IMMP2L: variants seen among roughly 807,000 people sequenced by gnomAD.
The protein encoded by IMMP2L is inner mitochondrial membrane peptidase subunit 2, also known as mitochondrial inner membrane protease subunit 2.
IMMP2L carries 18 observed loss-of-function variants against 19.3 expected under a neutral mutation model. The observed-to-expected ratio is 0.93, with a 90% CI of 0.64 to 1.38. The LOEUF (loss-of-function observed/expected upper bound fraction) is 1.38. Ranked by LOEUF, IMMP2L falls within the 40% of genes most tolerant of loss-of-function variation. The pLI, the probability that IMMP2L is intolerant of heterozygous loss-of-function variation, is 0.00. For synonymous variants in IMMP2L, 76 were observed against 73.0 expected (o/e 1.04, Z -0.21); for missense variants, 233 against 218.2 (o/e 1.07, Z -0.43).
chr7:111,513,990 C>CA (rs1345208212), intron 2 of IMMP2L, among the ~76,000 whole-genome samples: 1 of 151,916 alleles, frequency 6.6e-6, no homozygotes, highest in Non-Finnish European at 1.5e-5. Flanking sequence ...AAGCTGGACT[C>CA]ACAGAAGCAG....
intron 3 of IMMP2L, among the ~76,000 whole-genome samples, chr7:111,014,665 T>G (rs190180383): frequency 1.2e-4 from 18 of 151,920 alleles, no homozygotes; most frequent in African/African-American, 3.4e-4. Context: ...GGAAAAAAAA[T>G]CATATATTTG....
At chr7:111,187,081 C>A (rs184025816) in intron 3 of IMMP2L, among the ~76,000 whole-genome samples, 8 of 152,018 alleles carry the variant, frequency 5.3e-5, no homozygotes, top group African/African-American at 1.9e-4. Context: ...AGACTGCAAA[C>A]GTATAAATAA....
At chr7:111,291,508 A>G (rs2129683160) in intron 3 of IMMP2L, among the ~76,000 whole-genome samples, 1 of 152,294 alleles carries the variant, frequency 6.6e-6, no homozygotes, top group African/African-American at 2.4e-5. Context: ...TTAACCTGGT[A>G]TAAGGAGTAA....
intron 4 of IMMP2L, among the ~76,000 whole-genome samples, chr7:110,907,898 A>T (rs923981885): frequency 6.6e-6 from 1 of 152,146 alleles, no homozygotes; most frequent in African/African-American, 2.4e-5. Context: ...CTGAGCTAGG[A>T]TATTCCCAGG....
Position 111,033,734 on chromosome 7 carries a change from T to C in IMMP2L, c.240-70169A>G, listed in dbSNP as rs76020390. Among the ~76,000 whole-genome samples the C allele has an allele frequency of 5.2e-3, 795 of 152,322 alleles. 5 individuals are homozygous for C. Among genetic ancestry groups the C allele is most frequent in the South Asian group, 0.01 (50 of 4,828 alleles). On this transcript the variant is annotated intron_variant, in intron 3 of 5. Transcript: ENST00000405709. ...TCTGAGGAAGCTACATACTATGTAA[T>C]TCCAACTATATGACATTCTGATATT...
chr7:111,235,747 C>A (rs1028758317), intron 3 of IMMP2L, among the ~76,000 whole-genome samples: 1 of 151,940 alleles, frequency 6.6e-6, no homozygotes, highest in Admixed American at 6.6e-5. Context: ...TTCTTTCCCA[C>A]CATTTTTTCA....
chr7:111,518,264 G>A (rs1038981544), intron 2 of IMMP2L, among the ~76,000 whole-genome samples: 10 of 151,962 alleles, frequency 6.6e-5, no homozygotes, highest in East Asian at 1.9e-4. Flanking sequence ...TTGAAAGACC[G>A]AAAAACAATT....
intron 5 of IMMP2L, among the ~76,000 whole-genome samples, chr7:110,736,547 G>A (rs11764228): frequency 0.33 from 49,830 of 152,120 alleles, 10,059 homozygotes; most frequent in East Asian, 0.69. Context: ...GGGCAGGACT[G>A]TTCTGAGCTT....
intron 4 of IMMP2L, among the ~76,000 whole-genome samples, chr7:110,927,314 T>G (rs1814965267): frequency 6.6e-6 from 1 of 152,106 alleles, no homozygotes; most frequent in Non-Finnish European, 1.5e-5. Context: ...AGATTATTTG[T>G]TACTCTTGTG....
chr7:111,332,076 G>A (rs1221516842), intron 3 of IMMP2L, among the ~76,000 whole-genome samples: 1 of 151,724 alleles, frequency 6.6e-6, no homozygotes, highest in Non-Finnish European at 1.5e-5. Context: ...AGACAAAAAG[G>A]CTGTTTTATA....
chr7:110,968,146 A>G (rs1415970234), intron 3 of IMMP2L, among the ~76,000 whole-genome samples: 1 of 152,020 alleles, frequency 6.6e-6, no homozygotes, highest in Non-Finnish European at 1.5e-5. Flanking sequence ...CCCTGTAGGC[A>G]AGCTACATAA....
intron 5 of IMMP2L, among the ~76,000 whole-genome samples, chr7:110,781,026 T>C (rs971732853): frequency 6.6e-6 from 1 of 151,962 alleles, no homozygotes; most frequent in African/African-American, 2.4e-5. Flanking sequence ...AAGTTAAGAT[T>C]TTACATATGT....
At chr7:110,673,381 TGG>T (rs1203423495) in intron 5 of IMMP2L, among the ~76,000 whole-genome samples, 1 of 152,196 alleles carries the variant, frequency 6.6e-6, no homozygotes, top group African/African-American at 2.4e-5. Flanking sequence ...AGGCCTGTGA[TGG>T]GAGGGGCTGC....
intron 2 of IMMP2L, among the ~76,000 whole-genome samples, chr7:111,520,461 A>G (rs1345110178): frequency 6.6e-6 from 1 of 152,156 alleles, no homozygotes; most frequent in Admixed American, 6.5e-5. Flanking sequence ...TAAATAAAGC[A>G]AACTAATTCT....
intron 5 of IMMP2L, among the ~76,000 whole-genome samples, chr7:110,736,893 G>A (rs1362739115): frequency 6.6e-6 from 1 of 152,160 alleles, no homozygotes; most frequent in African/African-American, 2.4e-5. Context: ...CTGAGTTGGT[G>A]CTGAAATAAG....
intron 3 of IMMP2L, among the ~76,000 whole-genome samples, chr7:111,315,479 C>T (rs193052016): frequency 2.6e-5 from 4 of 151,786 alleles, no homozygotes; most frequent in Admixed American, 2.6e-4. Flanking sequence ...ACATGGATTT[C>T]TAAAAATATT....
chr7:111,555,388 T>C (rs989105234), intron 1 of IMMP2L, among the ~76,000 whole-genome samples: 3 of 151,782 alleles, frequency 2.0e-5, no homozygotes, highest in South Asian at 4.2e-4. Flanking sequence ...TATCTGACAG[T>C]TGGGGTCAGA....
chr7:111,116,587 C>G (rs1323048262), intron 3 of IMMP2L, among the ~76,000 whole-genome samples: 1 of 152,096 alleles, frequency 6.6e-6, no homozygotes, highest in African/African-American at 2.4e-5. Context: ...CATTAACAAT[C>G]AACTTGAAAA....
chr7:111,288,111 T>C (rs1209913369), intron 3 of IMMP2L, among the ~76,000 whole-genome samples: 2 of 152,148 alleles, frequency 1.3e-5, no homozygotes, highest in Non-Finnish European at 2.9e-5. Flanking sequence ...TTGTTTCCAA[T>C]GCACTAAGAT....
Sources: allele counts gnomAD v4.1 joint callset (sites outside exome capture counted in the v4.1 genomes callset), GRCh38; gene constraint gnomAD v4.1.1; transcripts MANE v1.5; gene names NCBI Gene and HGNC (gene_info 2026-07-23, HGNC 2026-07-21).